CSE1L: variants seen among roughly 807,000 people sequenced by gnomAD.
CSE1L encodes exportin-2.
Under a neutral mutation model 120.4 loss-of-function variants are expected in CSE1L, and 24 were observed. The observed-to-expected ratio is 0.20, with a 90% CI of 0.14 to 0.28. CSE1L has a LOEUF of 0.28. CSE1L is among the 10% of genes least tolerant of loss of function. The pLI is 1.00. For missense variants in CSE1L, 830 were observed against 1,145.2 expected (o/e 0.72, Z 3.97); for synonymous variants, 402 against 398.3 (o/e 1.01, Z -0.11).
chr20:49,090,614 C>A, intron 19 of CSE1L, 128 bp from the exon 20 acceptor site: 1 of 721,266 alleles, frequency 1.4e-6, no homozygotes, highest in Non-Finnish European at 2.3e-6. Context: ...CCATATGTTT[C>A]AGAAATAATT....
At chr20:49,050,044 A>G (rs1439307896) in intron 1 of CSE1L, among the ~76,000 whole-genome samples, 1 of 152,142 alleles carries the variant, frequency 6.6e-6, no homozygotes, top group Non-Finnish European at 1.5e-5. Flanking sequence ...AAGAGTATTA[A>G]GATTCTGGGA....
chr20:49,075,832 T>G (rs1274167058), intron 12 of CSE1L, among the ~76,000 whole-genome samples: 2 of 152,184 alleles, frequency 1.3e-5, no homozygotes, highest in Non-Finnish European at 2.9e-5. Context: ...ATAGTCTTAT[T>G]TTACATTTTT....
rs1188746948 is a variant in CSE1L at position 49,077,060 on chromosome 20, T to C, written c.1416T>C (p.Ala472=). The part of the protein sequence containing the change: ...VNHILPDLKS[A]NVNEFPVLKA... Reference sequence around the variant, plus strand: ...ACATCCTCCCTGATTTAAAATCAGCTAATGGTGAGTTGTGAAATTCTTGCT... The same window carrying C: ...ACATCCTCCCTGATTTAAAATCAGCCAATGGTGAGTTGTGAAATTCTTGCT... Residue 472 remains alanine, a synonymous_variant, in exon 13 of 25, where the codon GCT becomes GCC. Transcript: ENST00000262982. 1 of 1,600,038 alleles carries C rather than the reference T, an allele frequency of 6.2e-7. No individual in the cohort carries two copies. Among genetic ancestry groups the C allele is most frequent in the Non-Finnish European group, 8.5e-7 (1 of 1,173,052 alleles).
At chr20:49,096,227 G>T in intron 24 of CSE1L, 122 bp from the exon 25 acceptor site, 1 of 782,662 alleles carries the variant, frequency 1.3e-6, no homozygotes, top group Non-Finnish European at 2.3e-6. Context: ...ATTTTTGGAT[G>T]GTGATTAATG....
intron 3 of CSE1L, among the ~76,000 whole-genome samples, chr20:49,065,420 C>G (rs2091884757): frequency 7.3e-6 from 1 of 137,396 alleles, no homozygotes; most frequent in African/African-American, 2.7e-5. Context: ...CCTCTCAGGT[C>G]CAAATGATTG....
At chr20:49,081,732 T>C (rs2092014262) in intron 14 of CSE1L, among the ~76,000 whole-genome samples, 1 of 152,192 alleles carries the variant, frequency 6.6e-6, no homozygotes, top group Non-Finnish European at 1.5e-5. Context: ...TCTGAATGCC[T>C]AGGTCACTTT....
intron 16 of CSE1L, among the ~76,000 whole-genome samples, chr20:49,086,794 C>CTCCTA (rs1402453831): frequency 6.6e-6 from 1 of 152,198 alleles, no homozygotes; most frequent in Non-Finnish European, 1.5e-5. Context: ...AATAATTCTG[C>CTCCTA]GCCAGCCTAG....
intron 1 of CSE1L, among the ~76,000 whole-genome samples, chr20:49,057,095 G>A (rs955758505): frequency 3.9e-5 from 6 of 152,168 alleles, no homozygotes; most frequent in Admixed American, 2.6e-4. Flanking sequence ...GGAGGCCAAG[G>A]CAGGAGGATC....
chr20:49,065,686 T>C (rs2123691086), intron 3 of CSE1L, among the ~76,000 whole-genome samples: 1 of 139,130 alleles, frequency 7.2e-6, no homozygotes, highest in African/African-American at 2.7e-5. Flanking sequence ...CTCCACCTCC[T>C]GGGTTCAAGC....
intron 1 of CSE1L, among the ~76,000 whole-genome samples, chr20:49,047,175 C>T (rs2091719848): frequency 6.6e-6 from 1 of 152,130 alleles, no homozygotes; most frequent in African/African-American, 2.4e-5. Context: ...GACGTAGCCT[C>T]TCGTTAGGGG....
Position 49,067,287 on chromosome 20 carries a change from A to G in CSE1L, c.567+7A>G. 6.4e-7 allele frequency: 1 copy of G among 1,556,624 alleles called. No homozygotes were observed. Among genetic ancestry groups the G allele is most frequent in the South Asian group, 1.1e-5 (1 of 87,584 alleles). On this transcript the variant is annotated splice_region_variant and intron_variant, in intron 6 of 24. Transcript: ENST00000262982. ...TTTGACTAATCTTTTTAAGGTATGG[A>G]ATGCATCTTGGTGATATTTTTAAAT...
At chr20:49,078,832 C>T (rs894478256) in intron 14 of CSE1L, among the ~76,000 whole-genome samples, 8 of 152,160 alleles carry the variant, frequency 5.3e-5, no homozygotes, top group Non-Finnish European at 1.0e-4. Context: ...AGATAATGTC[C>T]ACACATTGCT....
intron 24 of CSE1L, 31 bp from the exon 25 acceptor site, chr20:49,096,318 A>G (rs766015820): frequency 2.0e-5 from 32 of 1,564,596 alleles, no homozygotes; most frequent in Non-Finnish European, 2.4e-5. Flanking sequence ...AAGATCTCCA[A>G]CAGCCAGTGT....
intron 2 of CSE1L, among the ~76,000 whole-genome samples, chr20:49,059,221 A>C (rs2091832501): frequency 6.6e-6 from 1 of 152,146 alleles, no homozygotes; most frequent in Admixed American, 6.5e-5. Flanking sequence ...GAATGAAGCC[A>C]AGTAATCAGT....
Position 49,066,225 on chromosome 20 carries a change from G to A in CSE1L, c.262G>A (p.Asp88Asn), listed in dbSNP as rs2123692608. ...TGAACCAAACAAAATTTGTGAAGCC[G>A]ATCGAGTGGCCATTAAAGCCAACAT... ...EDEPNKICEA[D>N]RVAIKANIVH... The change falls in exon 4 of 25, where the codon GAT becomes AAT. Residue 88 changes from aspartate (D) to asparagine (N), a missense_variant. Coordinates refer to ENST00000262982, the MANE Select transcript of CSE1L (RefSeq NM_001316.4). 6.2e-7 allele frequency: 1 copy of A among 1,614,186 alleles called. No individual in the cohort carries two copies. Among genetic ancestry groups the A allele is most frequent in the Non-Finnish European group, 8.5e-7 (1 of 1,180,032 alleles).
intron 12 of CSE1L, among the ~76,000 whole-genome samples, chr20:49,075,931 G>A (rs185403959): frequency 4.8e-4 from 73 of 151,136 alleles, no homozygotes; most frequent in African/African-American, 1.6e-3. Context: ...TCCCGAGTTC[G>A]AGCGACTCTC....
intron 1 of CSE1L, among the ~76,000 whole-genome samples, chr20:49,054,439 G>T (rs1188137491): frequency 6.6e-6 from 1 of 152,080 alleles, no homozygotes; most frequent in Non-Finnish European, 1.5e-5. Flanking sequence ...TTTCACTCTT[G>T]GTCAGCCGTC....
chr20:49,067,352 G>A (rs568353901), intron 6 of CSE1L, 72 bp downstream of exon 6: 1 of 1,012,392 alleles, frequency 9.9e-7, no homozygotes, highest in South Asian at 1.6e-5. Context: ...TACATGTTAA[G>A]AGAATGCTTT....
chr20:49,063,978 G>C (rs1179729480), intron 3 of CSE1L, among the ~76,000 whole-genome samples: 1 of 152,100 alleles, frequency 6.6e-6, no homozygotes, highest in African/African-American at 2.4e-5. Flanking sequence ...TAAGAAACAG[G>C]CATTTTTTTT....
Sources: allele counts gnomAD v4.1 joint callset (sites outside exome capture counted in the v4.1 genomes callset), GRCh38; gene constraint gnomAD v4.1.1; transcripts MANE v1.5; gene names NCBI Gene and HGNC (gene_info 2026-07-23, HGNC 2026-07-21).